Variants in EML6 observed in about 807,000 individuals in gnomAD.
EML6 encodes the protein EMAP like 6, also known as echinoderm microtubule-associated protein-like 6.
In EML6, 154 loss-of-function variants were observed where a neutral mutation model predicts 240.1. The ratio of observed to expected loss-of-function variants is 0.64; its 90% CI spans 0.56 to 0.73. The LOEUF (loss-of-function observed/expected upper bound fraction) is 0.73. EML6 is among the 30% of genes least tolerant of loss of function. The pLI is 0.00. For missense variants in EML6, 2,964 were observed against 2,474.6 expected, an observed-to-expected ratio of 1.20 and a Z score of -4.20; for synonymous variants, 1,148 against 899.0, an observed-to-expected ratio of 1.28 and a Z score of -4.95.
chr2:54,859,574 C>G lies in EML6; in HGVS notation c.1698C>G (p.Val566=), dbSNP rs1361463883. ...FRKYVGHSAH[V]TNVRWSHDFQ... is the part of the protein sequence containing the mutation. ...AGTATGTGGGCCATTCTGCACATGT[C>G]ACAAATGTCCGCTGGTCCCATGACT... is the stretch of plus-strand genomic sequence containing the variant. Residue 566 remains valine, a synonymous_variant, in exon 12 of 42, where the codon GTC becomes GTG. Transcript: ENST00000356458. 9.7e-6 allele frequency: 15 copies of G among 1,551,174 alleles called. No homozygotes were observed. In the East Asian group the frequency reaches 3.7e-4, roughly 38 times the overall value.
chr2:54,967,000 G>C lies in EML6; in HGVS notation c.5494G>C (p.Val1832Leu). 6.5e-7 allele frequency: 1 copy of C among 1,546,710 alleles called. No homozygotes were observed. The highest frequency in any genetic ancestry group is 8.8e-7 in the Non-Finnish European group (1 of 1,142,704). The change falls in exon 39 of 42, where the codon GTG becomes CTG. Residue 1832 changes from valine to leucine, a missense_variant and splice_region_variant. Coordinates refer to ENST00000356458, the MANE Select transcript of EML6 (RefSeq NM_001039753.4). ...AACATGGCTTCCCTTCTACCTACAGGTGTCAACAGGTGCCTATAAGCGCCA... is the reference window on the plus strand; with the variant it reads ...AACATGGCTTCCCTTCTACCTACAGCTGTCAACAGGTGCCTATAAGCGCCA... ...DFSADGKYIQ[V>L]STGAYKRQVH...
At chr2:54,926,321 T>C (rs1674543381) in intron 26 of EML6, among the ~76,000 whole-genome samples, 2 of 152,216 alleles carry the variant, frequency 1.3e-5, no homozygotes, top group African/African-American at 2.4e-5. Context: ...AGGCTGGTCT[T>C]GAACTCCTGA....
intron 5 of EML6, among the ~76,000 whole-genome samples, chr2:54,822,165 A>T (rs989099779): frequency 6.6e-6 from 1 of 152,176 alleles, no homozygotes; most frequent in African/African-American, 2.4e-5. Context: ...GAAAATGTTA[A>T]AATCTAATTA....
chr2:54,843,964 TTGTGTGTGTGTGTGTGTGTG>T (rs70944190), intron 7 of EML6, 63 bp from the exon 8 acceptor site: 28 of 658,718 alleles, frequency 4.3e-5, no homozygotes, highest in African/African-American at 9.7e-5. Context: ...CTTTAGGGTT[TTGTGTGTGTGTGTGTGTGTG>T]TGTGTGTGTG....
At chr2:54,913,607 TTC>T (rs1190038582) in intron 25 of EML6, among the ~76,000 whole-genome samples, 1 of 152,188 alleles carries the variant, frequency 6.6e-6, no homozygotes, top group Non-Finnish European at 1.5e-5. Context: ...GTTGTCTGTT[TTC>T]TCTGTCGATA....
At chr2:54,897,645 C>G (rs1558662900) in intron 21 of EML6, among the ~76,000 whole-genome samples, 1 of 151,994 alleles carries the variant, frequency 6.6e-6, no homozygotes, top group African/African-American at 2.4e-5. Flanking sequence ...AAGCTTCAGA[C>G]CAGATGTTAG....
At chr2:54,967,784 G>C (rs777735873) in intron 39 of EML6, among the ~76,000 whole-genome samples, 1 of 152,206 alleles carries the variant, frequency 6.6e-6, no homozygotes, top group South Asian at 2.1e-4. Context: ...CAGGTAGGGG[G>C]TGGGGTTTCG....
At chr2:54,867,027 C>A in intron 14 of EML6, 143 bp downstream of exon 14, 1 of 527,216 alleles carries the variant, frequency 1.9e-6, no homozygotes, top group Non-Finnish European at 3.5e-6. Flanking sequence ...TGCACTTGTA[C>A]CTGTGGTTGC....
intron 13 of EML6, among the ~76,000 whole-genome samples, chr2:54,866,341 G>T (rs1670969290): frequency 6.6e-6 from 1 of 152,176 alleles, no homozygotes; most frequent in East Asian, 1.9e-4. Flanking sequence ...CTGTTAAGAT[G>T]CATGAAGCTA....
intron 24 of EML6, 121 bp from the exon 25 acceptor site, chr2:54,910,833 A>G (rs1673600921): frequency 1.8e-6 from 1 of 568,624 alleles, no homozygotes; most frequent in Non-Finnish European, 3.2e-6. Flanking sequence ...TTCAAAATGT[A>G]TTTACTCAAT....
chr2:54,961,530 G>A (rs1176832514), intron 35 of EML6, among the ~76,000 whole-genome samples: 4 of 151,816 alleles, frequency 2.6e-5, no homozygotes, highest in African/African-American at 9.7e-5. Flanking sequence ...CTTACTAAGA[G>A]CTTGAGCTGT....
At chr2:54,810,273 GAGA>G (rs1558568568) in intron 2 of EML6, among the ~76,000 whole-genome samples, 1 of 152,206 alleles carries the variant, frequency 6.6e-6, no homozygotes, top group African/African-American at 2.4e-5. Flanking sequence ...CAATATGAAT[GAGA>G]AGAACAATAA....
At chr2:54,921,338 CAAAT>C (rs1186378485) in intron 26 of EML6, among the ~76,000 whole-genome samples, 1 of 151,938 alleles carries the variant, frequency 6.6e-6, no homozygotes, top group African/African-American at 2.4e-5. Flanking sequence ...ATCATCAAGA[CAAAT>C]AAAATGTTTA....
chr2:54,855,458 G>GCC (rs11297060), intron 11 of EML6, among the ~76,000 whole-genome samples: 75 of 124,180 alleles, frequency 6.0e-4, no homozygotes, highest in African/African-American at 2.2e-3. Context: ...CTTCTACCAT[G>GCC]CCCCCCCCCC....
chr2:54,900,845 T>C (rs1673018511), intron 22 of EML6, among the ~76,000 whole-genome samples: 1 of 152,150 alleles, frequency 6.6e-6, no homozygotes, highest in South Asian at 2.1e-4. Context: ...TGGCACAAAG[T>C]ACCCTGGAGC....
At chr2:54,793,095 C>G (rs113369975) in intron 2 of EML6, among the ~76,000 whole-genome samples, 2,600 of 152,130 alleles carry the variant, frequency 0.017, 81 homozygotes, top group African/African-American at 0.059. Context: ...TCGTGTAACT[C>G]CATCTCTACA....
intron 17 of EML6, among the ~76,000 whole-genome samples, chr2:54,884,881 A>G (rs1481095418): frequency 2.6e-5 from 4 of 152,218 alleles, no homozygotes; most frequent in African/African-American, 9.7e-5. Flanking sequence ...CCTCCAATCA[A>G]GAAATCATTG....
intron 2 of EML6, among the ~76,000 whole-genome samples, chr2:54,746,040 A>G (rs1328670521): frequency 6.6e-6 from 1 of 152,246 alleles, no homozygotes; most frequent in Non-Finnish European, 1.5e-5. Flanking sequence ...GAGCTGTGCA[A>G]AAAGATGGAC....
rs1676649267 is a variant in EML6 at position 54,964,173 on chromosome 2, G to C, written c.5330+15G>C. The C allele has an allele frequency of 1.3e-5, 20 of 1,550,226 alleles. No individual in the cohort carries two copies. Among genetic ancestry groups the C allele is most frequent in the Non-Finnish European group, 1.7e-5 (19 of 1,146,208 alleles). ...CAAGATATCAGGTACCTAAGTGGGT[G>C]GTCTGGGCATGGAGGAGAAAGGCAA... is the stretch of plus-strand genomic sequence containing the variant. On this transcript the variant is annotated intron_variant, in intron 37 of 41. Transcript: ENST00000356458.
Sources: gnomAD v4.1 joint callset for allele counts (sites outside exome capture counted in the v4.1 genomes callset) on GRCh38, gnomAD v4.1.1 for gene constraint, MANE v1.5 for transcripts, NCBI Gene and HGNC (gene_info 2026-07-23, HGNC 2026-07-21) for gene names.